Variants in ZBTB25 observed in about 807,000 individuals in gnomAD.
The protein encoded by ZBTB25 is zinc finger and BTB domain containing 25, also known as zinc finger and BTB domain-containing protein 25.
ZBTB25 carries 20 observed loss-of-function variants against 34.2 expected under a neutral mutation model. The observed-to-expected ratio is 0.58, with a 90% CI of 0.41 to 0.85. ZBTB25 has a LOEUF of 0.85. Ranked by LOEUF, ZBTB25 falls within the 40% of genes least tolerant of loss-of-function variation. The probability of loss-of-function intolerance (pLI) is 0.00; values close to 1 mark genes in which losing one functional copy is unlikely to be tolerated. For synonymous variants in ZBTB25, 175 were observed against 186.4 expected (o/e 0.94, Z 0.50); for missense variants, 437 against 521.8 (o/e 0.84, Z 1.58).
In ZBTB25 at chr14:64,478,450, A is replaced by C. The variant is rs1014962113; in HGVS notation, c.*8473T>G. ...CCTCATAGATTGTGGATGTACAAAA[A>C]ATGAACAAAAGGCAAGAAAGGAGCA... On this transcript the variant is annotated 3_prime_UTR_variant, in exon 3 of 3. Coordinates refer to ENST00000608382, the MANE Select transcript of ZBTB25 (RefSeq NM_006977.5). The C allele has an allele frequency of 2.0e-5, 3 of 152,226 alleles. No individual in the cohort carries two copies. Among genetic ancestry groups the C allele is most frequent in the African/African-American group, 4.8e-5 (2 of 41,458 alleles). The allele number at this position is 152,226 out of a possible 1,614,324, so 9.4% of individuals were successfully genotyped here. A position where few individuals can be genotyped will look rare whatever the true frequency, so the allele number is the denominator to read the frequency against.
At chr14:64,502,378 G>A (rs1596669610) in intron 1 of ZBTB25, among the ~76,000 whole-genome samples, 1 of 152,130 alleles carries the variant, frequency 6.6e-6, no homozygotes, top group Non-Finnish European at 1.5e-5. Context: ...CCCTATTAAG[G>A]AGTTGATGTC....
chr14:64,502,947 T>A, intron 1 of ZBTB25: 1 of 985,408 alleles, frequency 1.0e-6, no homozygotes, highest in African/African-American at 1.7e-5. Context: ...AGGACTTGAG[T>A]CTCAAGAGAA....
At chr14:64,458,248 G>A (rs756554715) in intron 2 of ZBTB25, 1 of 1,613,592 alleles carries the variant, frequency 6.2e-7, no homozygotes. Flanking sequence ...ACCCGGCCCT[G>A]TTTTTATGAT....
chr14:64,496,377 CG>C (rs1354914401), intron 1 of ZBTB25, among the ~76,000 whole-genome samples: 1 of 151,882 alleles, frequency 6.6e-6, no homozygotes, highest in Non-Finnish European at 1.5e-5. Context: ...CCCAGCTACT[CG>C]GGAGGCTGAG....
chr14:64,504,784 C>G (rs1350614086), upstream of ZBTB25: 14 of 381,158 alleles, frequency 3.7e-5, no homozygotes, highest in East Asian at 4.8e-4. Flanking sequence ...CAGCACAGTC[C>G]CTGGCAGAGC....
rs759069688 is a variant in ZBTB25, at chr14:64,487,438, G to A, written c.793C>T (p.Leu265=). 1 of 1,614,200 alleles carries A rather than the reference G, an allele frequency of 6.2e-7. No homozygotes were observed. The highest frequency in any genetic ancestry group is 8.5e-7 in the Non-Finnish European group (1 of 1,180,034). Residue 265 remains leucine, a synonymous_variant, in exon 3 of 3, where the codon CTG becomes TTG. Coordinates refer to ENST00000608382, the MANE Select transcript of ZBTB25 (RefSeq NM_006977.5). ...ATGGAAGCAGGGACACCGAATGGCA[G>A]GGATCCAGACACATGTGTATGGAGA... The part of the protein sequence containing the change: ...QHLHTHVSGS[L]PFGVPASILE...
At chr14:64,503,082 C>T (rs1596672555) in intron 1 of ZBTB25, 12 of 985,520 alleles carry the variant, frequency 1.2e-5, no homozygotes, top group South Asian at 4.7e-5. Flanking sequence ...CAACTGATTA[C>T]TCCAAATACT....
At chr14:64,504,963 T>G, upstream of ZBTB25, 1 of 394,748 alleles carries the variant, frequency 2.5e-6, no homozygotes. Context: ...ATTTGCCAGT[T>G]GTGGGGCTAT....
chr14:64,458,547 G>T, intron 2 of ZBTB25: 1 of 533,558 alleles, frequency 1.9e-6, no homozygotes, highest in Non-Finnish European at 3.4e-6. Context: ...GGTTGACAGT[G>T]TAGGGGAGAA....
chr14:64,450,012 G>A (rs111315344), intron 2 of ZBTB25, among the ~76,000 whole-genome samples: 2 of 152,226 alleles, frequency 1.3e-5, no homozygotes, highest in African/African-American at 4.8e-5. Context: ...GGCTGGTCTC[G>A]AACTCCTGAC....
At chr14:64,490,205 C>T (rs1239686193) in intron 2 of ZBTB25, among the ~76,000 whole-genome samples, 156 bp downstream of exon 2, 5 of 55,166 alleles carry the variant, frequency 9.1e-5, no homozygotes, top group African/African-American at 1.9e-4. Context: ...AAGACTCTGT[C>T]GCCAAAAAAA....
intron 2 of ZBTB25, chr14:64,463,009 C>G (rs1048717614): frequency 6.6e-6 from 1 of 152,076 alleles, no homozygotes; most frequent in African/African-American, 2.4e-5. Flanking sequence ...TTTACTGGCA[C>G]ACTGTATCTA....
downstream of ZBTB25, among the ~76,000 whole-genome samples, chr14:64,475,989 T>A (rs1490813388): frequency 6.6e-6 from 1 of 152,214 alleles, no homozygotes; most frequent in Non-Finnish European, 1.5e-5. Flanking sequence ...GCTATACTTG[T>A]GGTCTTAGGA....
chr14:64,470,946 G>A (rs2141005509), intron 2 of ZBTB25: 1 of 167,076 alleles, frequency 6.0e-6, no homozygotes, highest in Non-Finnish European at 1.5e-5. Flanking sequence ...TGGTAGTAAT[G>A]GTCCTGGAAA....
At chr14:64,488,078 C>T (rs1375033008) in intron 2 of ZBTB25, 21 bp from the exon 3 acceptor site, 1 of 1,600,742 alleles carries the variant, frequency 6.2e-7, no homozygotes, top group Admixed American at 1.7e-5. Flanking sequence ...CAAAAACAGA[C>T]CCACAAGAAA....
chr14:64,460,020 T>A, intron 2 of ZBTB25: 1 of 1,135,840 alleles, frequency 8.8e-7, no homozygotes, highest in Non-Finnish European at 1.2e-6. Context: ...GGTGTTGCAA[T>A]ATGAATTACA....
chr14:64,485,134 T>C lies in ZBTB25; in HGVS notation c.*1789A>G. 1.0e-6 allele frequency: 1 copy of C among 985,480 alleles called. No individual in the cohort carries two copies. Among genetic ancestry groups the C allele is most frequent in the Non-Finnish European group, 1.2e-6 (1 of 829,934 alleles). The allele number at this position is 985,480 out of a possible 1,614,324, so 61.0% of individuals were successfully genotyped here. A position where few individuals can be genotyped will look rare whatever the true frequency, so the allele number is the denominator to read the frequency against. On this transcript the variant is annotated 3_prime_UTR_variant, in exon 3 of 3. Coordinates refer to ENST00000608382, the MANE Select transcript of ZBTB25 (RefSeq NM_006977.5). ...TCCTCAAGAAAAACTTACCACTTTG[T>C]AATTTACCTAAACTGTTTACCTAGA...
In ZBTB25 at chr14:64,483,314, G is replaced by C. The variant is rs1429051008; in HGVS notation, c.*3609C>G. On this transcript the variant is annotated 3_prime_UTR_variant, in exon 3 of 3. Transcript: ENST00000608382. The stretch of plus-strand genomic sequence containing the variant: ...TTTTTTTGAGATGGAGTCTCGCTCT[G>C]TCACCCAGGCTGGAGTGCAGTGGTG... 6.6e-6 allele frequency: 1 copy of C among 151,872 alleles called. No homozygotes were observed. The highest frequency in any genetic ancestry group is 6.6e-5 in the Admixed American group (1 of 15,236). The allele number at this position is 151,872 out of a possible 1,614,324, so 9.4% of individuals were successfully genotyped here. A position where few individuals can be genotyped will look rare whatever the true frequency, so the allele number is the denominator to read the frequency against.
At chr14:64,489,539 T>C (rs2141027501) in intron 2 of ZBTB25, among the ~76,000 whole-genome samples, 1 of 140,218 alleles carries the variant, frequency 7.1e-6, no homozygotes, top group African/African-American at 2.5e-5. Flanking sequence ...CTTTCCTTTT[T>C]CTTTTTTTTT....
Sources: gnomAD v4.1 joint callset for allele counts (sites outside exome capture counted in the v4.1 genomes callset) on GRCh38, gnomAD v4.1.1 for gene constraint, MANE v1.5 for transcripts, NCBI Gene and HGNC (gene_info 2026-07-23, HGNC 2026-07-21) for gene names.